ANKS6: variants seen among roughly 807,000 people sequenced by gnomAD.
The protein encoded by ANKS6 is ankyrin repeat and sterile alpha motif domain containing 6.
In ANKS6, 47 loss-of-function variants were observed where a neutral mutation model predicts 77.9. The ratio of observed to expected loss-of-function variants is 0.60; its 90% CI spans 0.48 to 0.77. The LOEUF is 0.77. Ranked by LOEUF, ANKS6 falls within the 30% of genes least tolerant of loss-of-function variation. The probability of loss-of-function intolerance (pLI) is 0.00; values close to 1 mark genes in which losing one functional copy is unlikely to be tolerated. For missense variants in ANKS6, 1,150 were observed against 1,159.1 expected (o/e 0.99, Z 0.11); for synonymous variants, 488 against 501.7 (o/e 0.97, Z 0.37).
chr9:98,739,209 A>C (rs1023691150), intron 14 of ANKS6, among the ~76,000 whole-genome samples: 1 of 152,156 alleles, frequency 6.6e-6, no homozygotes, highest in South Asian at 2.1e-4. Flanking sequence ...AATCTCACAA[A>C]CCACTGCGAA....
intron 10 of ANKS6, among the ~76,000 whole-genome samples, chr9:98,770,083 C>T (rs1174134085): frequency 3.9e-5 from 6 of 152,044 alleles, no homozygotes; most frequent in African/African-American, 7.2e-5. Context: ...CCACAATTCC[C>T]GCATCATGGG....
chr9:98,733,441 G>C lies in ANKS6; in HGVS notation c.*3078C>G. 1 of 985,412 alleles carries C rather than the reference G, an allele frequency of 1.0e-6. No individual in the cohort carries two copies. The highest frequency in any genetic ancestry group is 1.2e-6 in the Non-Finnish European group (1 of 829,950). The allele number at this position is 985,412 out of a possible 1,614,324, so 61.0% of individuals were successfully genotyped here. Reference sequence around the variant, plus strand: ...CAGGCTGGAGAGCTCTCAGAACAGGGACCCTGCCATCTCAAAGCAGGACCG... The same window carrying C: ...CAGGCTGGAGAGCTCTCAGAACAGGCACCCTGCCATCTCAAAGCAGGACCG... On this transcript the variant is annotated 3_prime_UTR_variant, in exon 15 of 15. Coordinates refer to ENST00000353234, the MANE Select transcript of ANKS6 (RefSeq NM_173551.5).
At chr9:98,753,056 G>A (rs778147851) in intron 12 of ANKS6, among the ~76,000 whole-genome samples, 11 of 152,028 alleles carry the variant, frequency 7.2e-5, no homozygotes, top group Non-Finnish European at 1.5e-4. Flanking sequence ...ACTGGTTCTC[G>A]GGGGAAGGTG....
At chr9:98,796,005 G>T in intron 1 of ANKS6, 128 bp downstream of exon 1, 1 of 927,028 alleles carries the variant, frequency 1.1e-6, no homozygotes. Flanking sequence ...ACTACTCAAA[G>T]TTTACCATTC....
intron 11 of ANKS6, among the ~76,000 whole-genome samples, chr9:98,763,412 C>G (rs1833114658): frequency 6.6e-6 from 1 of 151,666 alleles, no homozygotes; most frequent in Admixed American, 6.6e-5. Context: ...GAGGAAATCT[C>G]AAGAGAAGGG....
Position 98,739,758 on chromosome 9 carries a change from A to ATTTTTTTTTTTTTTTTTTT in ANKS6, c.2512-3136_2512-3135insAAAAAAAAAAAAAAAAAAA, listed in dbSNP as rs749499336. Among the ~76,000 whole-genome samples, 68 of 88,856 alleles carry ATTTTTTTTTTTTTTTTTTT rather than the reference A, an allele frequency of 7.7e-4. 14 individuals carry two copies. The highest frequency in any genetic ancestry group is 3.2e-3 in the East Asian group (11 of 3,398). The allele number at this position is 88,856 out of a possible 152,430, so 58.3% of individuals were successfully genotyped here. On this transcript the variant is annotated intron_variant, in intron 14 of 14. Transcript: ENST00000353234. ...CTCAGAGGGCAGCAGTGGATTAAAC[A>ATTTTTTTTTTTTTTTTTTT]TTTTTTTTTTTTTTTTGAGACGGAG...
chr9:98,757,198 C>A (rs1250643299), intron 11 of ANKS6, among the ~76,000 whole-genome samples: 2 of 152,170 alleles, frequency 1.3e-5, no homozygotes, highest in African/African-American at 4.8e-5. Context: ...GTATAATGAT[C>A]AAAACTAACA....
rs139455212 is a variant in ANKS6, at chr9:98,735,804, A to G, written c.*715T>C. 2.9e-4 allele frequency: 352 copies of G among 1,231,782 alleles called. 2 individuals are homozygous for G. The East Asian group carries it at 8.8e-3, about 31-fold the overall frequency. 76.3% of individuals were successfully genotyped at this position (1,231,782 alleles called of 1,614,324 possible). ...CAATAAAGAAAAATGCGTTTGACATACACATCTCCAATGTAAGCTGTATGC... is the reference window on the plus strand; with the variant it reads ...CAATAAAGAAAAATGCGTTTGACATGCACATCTCCAATGTAAGCTGTATGC... On this transcript the variant is annotated 3_prime_UTR_variant, in exon 15 of 15. Coordinates refer to ENST00000353234, the MANE Select transcript of ANKS6 (RefSeq NM_173551.5).
intron 1 of ANKS6, among the ~76,000 whole-genome samples, chr9:98,794,857 C>G (rs1221085082): frequency 6.6e-6 from 1 of 152,146 alleles, no homozygotes; most frequent in Non-Finnish European, 1.5e-5. Flanking sequence ...CTCTTACTCC[C>G]CTCACTGCCC....
At chr9:98,763,808 T>C (rs1391429939) in intron 11 of ANKS6, among the ~76,000 whole-genome samples, 2 of 152,082 alleles carry the variant, frequency 1.3e-5, no homozygotes, top group African/African-American at 4.8e-5. Context: ...ACTGATCCTA[T>C]GTAATAAAAT....
In ANKS6 at chr9:98,782,535, G is replaced by T. The variant is rs1257946456; in HGVS notation, c.1151C>A (p.Ala384Asp). The change falls in exon 5 of 15, where the codon GCC becomes GAC. Residue 384 changes from alanine (A) to aspartate (D), a missense_variant. Transcript: ENST00000353234. The part of the protein sequence containing the change: ...EIVKYLLNQG[A>D]DVTLRAKNGY... ...ATTTTTTGCACGAAGAGTGACATCGGCCCCTTGGTTTAGCAGATATTTCAC... is the reference window on the plus strand; with the variant it reads ...ATTTTTTGCACGAAGAGTGACATCGTCCCCTTGGTTTAGCAGATATTTCAC... 6.2e-7 allele frequency: 1 copy of T among 1,614,112 alleles called. No individual in the cohort carries two copies. Among genetic ancestry groups the T allele is most frequent in the South Asian group, 1.1e-5 (1 of 91,076 alleles).
At chr9:98,786,269 G>A (rs1834558639) in intron 2 of ANKS6, among the ~76,000 whole-genome samples, 1 of 148,482 alleles carries the variant, frequency 6.7e-6, no homozygotes, top group African/African-American at 2.5e-5. Context: ...GTGAGCCACC[G>A]CTCCAGGCCG....
rs576498411 is a variant in ANKS6, at chr9:98,794,314, CA to C, written c.359+1818del. Among the ~76,000 whole-genome samples the C allele has an allele frequency of 2.5e-4, 38 of 152,212 alleles. No individual in the cohort carries two copies. The South Asian group carries it at 7.5e-3, about 30-fold the overall frequency. The stretch of plus-strand genomic sequence containing the variant: ...TGCTCAGACCCAGCGTGGTGGCTGC[CA>C]GGGGTGTGGTTTTGAGCAGGATTCT... On this transcript the variant is annotated intron_variant, in intron 1 of 14. Transcript: ENST00000353234.
chr9:98,784,228 T>C (rs556386322), intron 3 of ANKS6, 71 bp from the exon 4 acceptor site: 20 of 1,382,560 alleles, frequency 1.4e-5, no homozygotes, highest in Middle Eastern at 3.8e-4. Flanking sequence ...CTGTGGTTCA[T>C]GTAACAAACA....
In ANKS6 at chr9:98,745,662, G is replaced by A. The variant is rs745689147; in HGVS notation, c.2408C>T (p.Ala803Val). ...GTCACCGTCAGTCAGTGTGAGGAAC[G>A]CTTCCATGTCCACCTGGGGAGAGAG... Reference protein sequence around the residue: ...IFEEQEVDMEAFLTLTDGDLK... With the variant: ...IFEEQEVDMEVFLTLTDGDLK... The change falls in exon 14 of 15, where the codon GCG (alanine) becomes GTG (valine). Residue 803 changes from alanine (A) to valine (V), a missense_variant. Transcript: ENST00000353234. 5 of 1,613,736 alleles carry A rather than the reference G, an allele frequency of 3.1e-6. No individual in the cohort carries two copies. The highest frequency in any genetic ancestry group is 4.2e-6 in the Non-Finnish European group (5 of 1,179,746).
At chr9:98,765,998 G>A (rs545183562) in intron 11 of ANKS6, among the ~76,000 whole-genome samples, 7 of 152,226 alleles carry the variant, frequency 4.6e-5, no homozygotes, top group East Asian at 1.9e-4. Context: ...TATGAGCCCC[G>A]GACTGGGCTG....
Position 98,735,893 on chromosome 9 carries a change from G to C in ANKS6, c.*626C>G. 3.2e-6 allele frequency: 4 copies of C among 1,231,884 alleles called. No homozygotes were observed. Among genetic ancestry groups the C allele is most frequent in the Non-Finnish European group, 4.0e-6 (4 of 988,530 alleles). 76.3% of individuals were successfully genotyped at this position (1,231,884 alleles called of 1,614,324 possible). On this transcript the variant is annotated 3_prime_UTR_variant, in exon 15 of 15. Transcript: ENST00000353234. ...GCACTAAGGGACCCAGTGGCTGAAA[G>C]GGGGTCAAAAAAGACTTCATCTGAG...
chr9:98,746,573 C>T (rs2131935281), intron 13 of ANKS6, among the ~76,000 whole-genome samples: 1 of 149,194 alleles, frequency 6.7e-6, no homozygotes, highest in South Asian at 2.1e-4. Flanking sequence ...GAAACTGAGG[C>T]ACAGAGAGCT....
At chr9:98,739,774 T>TTTTTTTTTTTTA (rs71369574) in intron 14 of ANKS6, among the ~76,000 whole-genome samples, 4 of 129,604 alleles carry the variant, frequency 3.1e-5, no homozygotes, top group East Asian at 2.1e-4. Context: ...TTTTTTTTTT[T>TTTTTTTTTTTTA]GAGACGGAGT....
Sources: gnomAD v4.1 joint callset for allele counts (sites outside exome capture counted in the v4.1 genomes callset) on GRCh38, gnomAD v4.1.1 for gene constraint, MANE v1.5 for transcripts, NCBI Gene and HGNC (gene_info 2026-07-23, HGNC 2026-07-21) for gene names.